The following SLCO3A1 variants were observed in gnomAD, a reference collection of about 807,000 sequenced individuals.
The protein encoded by SLCO3A1 is PGE1 transporter.
Under a neutral mutation model 63.1 loss-of-function variants are expected in SLCO3A1, and 27 were observed. The observed-to-expected ratio is 0.43, with a 90% confidence interval of 0.32 to 0.59. SLCO3A1 has a LOEUF of 0.59. Ranked by LOEUF, SLCO3A1 falls within the 20% of genes least tolerant of loss-of-function variation. The pLI, the probability that SLCO3A1 is intolerant of heterozygous loss-of-function variation, is 0.09. For synonymous variants in SLCO3A1, 473 were observed against 409.9 expected (o/e 1.15, Z -1.86); for missense variants, 773 against 945.8 (o/e 0.82, Z 2.40).
At chr15:92,003,948 G>A (rs1335082178) in intron 2 of SLCO3A1, among the ~76,000 whole-genome samples, 1 of 152,210 alleles carries the variant, frequency 6.6e-6, no homozygotes, top group Non-Finnish European at 1.5e-5. Context: ...CTGCTCAGCA[G>A]CTGTAGCTGT....
At chr15:92,110,560 A>C (rs925317309) in intron 4 of SLCO3A1, among the ~76,000 whole-genome samples, 2 of 151,786 alleles carry the variant, frequency 1.3e-5, no homozygotes, top group Non-Finnish European at 2.9e-5. Flanking sequence ...CGTTCCCTCT[A>C]CTGGAATTCT....
Position 92,164,039 on chromosome 15 carries a change from G to GAAAA in SLCO3A1, c.*908_*911dup. On this transcript the variant is annotated 3_prime_UTR_variant, in exon 10 of 10. Transcript: ENST00000318445. ...CAAAAACATTTTGCCATTTTTAAAA[G>GAAAA]AAAAAAATACAATCCATATGAATTT... 1 of 984,872 alleles carries GAAAA rather than the reference G, an allele frequency of 1.0e-6. No individual in the cohort carries two copies. Among genetic ancestry groups the GAAAA allele is most frequent in the Non-Finnish European group, 1.2e-6 (1 of 829,438 alleles). The allele number at this position is 984,872 out of a possible 1,614,324, so 61.0% of individuals were successfully genotyped here.
chr15:92,011,463 T>TTA (rs2046367831), intron 2 of SLCO3A1, among the ~76,000 whole-genome samples: 1 of 151,904 alleles, frequency 6.6e-6, no homozygotes, highest in Non-Finnish European at 1.5e-5. Flanking sequence ...ATATGTACAA[T>TTA]TATTATATAT....
chr15:91,958,040 A>G (rs1287994699), intron 2 of SLCO3A1, among the ~76,000 whole-genome samples: 2 of 152,194 alleles, frequency 1.3e-5, no homozygotes, highest in African/African-American at 4.8e-5. Context: ...TTCAATAAAT[A>G]TATTGGAAAA....
At chr15:92,010,030 C>G (rs1281222911) in intron 2 of SLCO3A1, among the ~76,000 whole-genome samples, 1 of 152,180 alleles carries the variant, frequency 6.6e-6, no homozygotes, top group East Asian at 1.9e-4. Flanking sequence ...TCACCGCACT[C>G]TTGACAGCCC....
chr15:92,035,161 G>T (rs893809502), intron 2 of SLCO3A1, among the ~76,000 whole-genome samples: 2 of 151,864 alleles, frequency 1.3e-5, no homozygotes, highest in Non-Finnish European at 2.9e-5. Flanking sequence ...GCCATGTACA[G>T]GGTCAGCCTT....
rs1463050194 is a variant in SLCO3A1, at chr15:91,916,283, C to T, written c.471C>T (p.Gly157=). 3 of 1,552,166 alleles carry T rather than the reference C, an allele frequency of 1.9e-6. No individual in the cohort carries two copies. The highest frequency in any genetic ancestry group is 3.9e-5 in the Admixed American group (2 of 51,192). ...RDVCAANGSG[G]DEGPDPDLIC... The stretch of plus-strand genomic sequence containing the variant: ...TCTGCGCAGCCAACGGCTCGGGCGG[C>T]GACGAGGGGCCCGACCCCGACCTCA... The change falls in exon 2 of 10, where the codon GGC becomes GGT. Residue 157 remains glycine, a synonymous_variant. Coordinates refer to ENST00000318445, the MANE Select transcript of SLCO3A1 (RefSeq NM_013272.4). This position sits in a 1 kb window ranked among gnomAD's most constrained non-coding sequence, Gnocchi z 6.2.
At position 91,916,680 on chromosome 15, in the gene SLCO3A1, G is replaced by C. The variant is rs1898673335; in HGVS notation, c.646+222G>C. Among the ~76,000 whole-genome samples the C allele has an allele frequency of 6.6e-6, 1 of 152,212 alleles. No individual in the cohort carries two copies. The highest frequency in any genetic ancestry group is 2.4e-5 in the African/African-American group (1 of 41,460). ...GTGAGCGGCCGAATTTGAGCTCCAC[G>C]GGGCTAGACCACTAACACCGCTTCA... is the stretch of plus-strand genomic sequence containing the variant. On this transcript the variant is annotated intron_variant, in intron 2 of 9. Transcript: ENST00000318445. This position sits in a 1 kb window ranked among gnomAD's most constrained non-coding sequence, Gnocchi z 6.2.
intron 2 of SLCO3A1, among the ~76,000 whole-genome samples, chr15:91,962,261 C>T (rs1293424178): frequency 6.6e-6 from 1 of 152,084 alleles, no homozygotes; most frequent in Admixed American, 6.6e-5. Flanking sequence ...AGATGGATCA[C>T]CTGAGGTCGG....
chr15:92,102,852 G>A (rs1230905918), intron 3 of SLCO3A1, among the ~76,000 whole-genome samples: 1 of 152,200 alleles, frequency 6.6e-6, no homozygotes, highest in Non-Finnish European at 1.5e-5. Flanking sequence ...AAAGGTGAGA[G>A]CGTGGACCTT....
chr15:91,907,290 C>G (rs1412085173), intron 1 of SLCO3A1, among the ~76,000 whole-genome samples: 1 of 151,648 alleles, frequency 6.6e-6, no homozygotes, highest in Admixed American at 6.6e-5. Context: ...CACTGCACCT[C>G]TGCCACTGGG....
chr15:91,934,840 C>T (rs1386961061), intron 2 of SLCO3A1, among the ~76,000 whole-genome samples: 8 of 152,136 alleles, frequency 5.3e-5, no homozygotes, highest in South Asian at 2.1e-4. Context: ...TGTATAATTC[C>T]GTAAGTTACT....
rs1334922694 is a variant in SLCO3A1 at position 92,171,794 on chromosome 15, GAC to G, written c.2013_2014del (p.Ile672Ter). Reference sequence around the variant, plus strand: ...TCCCCCTTTAGGCACAGAGTACCAAGACATTGAGACTGAGAAAACCTGCCCCG... The same window carrying G: ...TCCCCCTTTAGGCACAGAGTACCAAGATTGAGACTGAGAAAACCTGCCCCG... On this transcript the variant is annotated frameshift_variant, in exon 11 of 11. Coordinates refer to the SLCO3A1 transcript ENST00000424469. LOFTEE classifies it high-confidence loss of function. The G allele has an allele frequency of 2.6e-6, 4 of 1,551,140 alleles. No individual in the cohort carries two copies. The highest frequency in any genetic ancestry group is 2.6e-6 in the Non-Finnish European group (3 of 1,146,542).
Position 91,897,143 on chromosome 15 carries a change from T to C in SLCO3A1, c.181-18850T>C, listed in dbSNP as rs1033080054. On this transcript the variant is annotated intron_variant, in intron 1 of 9. Transcript: ENST00000318445. The surrounding 1 kb of genome is among the most constrained non-coding windows in gnomAD (Gnocchi z 4.7). ...TCCTACCACACTATTTGCCATTGTC[T>C]ATACAATTGTTGCTTTTAAAATAAA... 2.2e-4 allele frequency among the ~76,000 whole-genome samples: 33 copies of C among 152,196 alleles called. No homozygotes were observed. The highest frequency in any genetic ancestry group is 4.8e-5 in the African/African-American group (2 of 41,452).
At chr15:92,119,098 A>G (rs1298203464) in intron 4 of SLCO3A1, among the ~76,000 whole-genome samples, 1 of 147,990 alleles carries the variant, frequency 6.8e-6, no homozygotes, top group African/African-American at 2.5e-5. Context: ...TATTGAAATG[A>G]CAGGGTTGTC....
intron 9 of SLCO3A1, among the ~76,000 whole-genome samples, chr15:92,158,395 G>C (rs1482581164): frequency 6.6e-6 from 1 of 152,194 alleles, no homozygotes; most frequent in Non-Finnish European, 1.5e-5. Context: ...ATTGGGTTTG[G>C]AATTTTGAAA....
chr15:91,894,940 A>G lies in SLCO3A1; in HGVS notation c.181-21053A>G, dbSNP rs561494599. 3.9e-5 allele frequency among the ~76,000 whole-genome samples: 6 copies of G among 152,252 alleles called. No individual in the cohort carries two copies. The East Asian group carries it at 1.2e-3, about 29-fold the overall frequency. On this transcript the variant is annotated intron_variant, in intron 1 of 9. Coordinates refer to ENST00000318445, the MANE Select transcript of SLCO3A1 (RefSeq NM_013272.4). The surrounding 1 kb of genome is among the most constrained non-coding windows in gnomAD (Gnocchi z 4.8). ...GTTGAGTCTGTTGTTCCTAATCCAT[A>G]CCTGCATCCTGGACTTGTGGCTGTG...
At chr15:91,920,902 T>C (rs1467593519) in intron 2 of SLCO3A1, among the ~76,000 whole-genome samples, 1 of 152,170 alleles carries the variant, frequency 6.6e-6, no homozygotes, top group African/African-American at 2.4e-5. Flanking sequence ...AGCTAAGACC[T>C]TTGCTCCATG....
rs141320523 is a variant in SLCO3A1, at chr15:92,001,673, A to G, written c.646+85215A>G. ...TAAAACAAACATGTGCTGTTTATCA[A>G]CACAGTAGGGTTTCCATTCTTAGAA... is the stretch of plus-strand genomic sequence containing the variant. On this transcript the variant is annotated intron_variant, in intron 2 of 9. Transcript: ENST00000318445. Among the ~76,000 whole-genome samples the G allele has an allele frequency of 4.5e-4, 69 of 152,328 alleles. No individual in the cohort carries two copies. In the East Asian group the frequency reaches 0.011, roughly 25 times the overall value.
Sources: allele counts gnomAD v4.1 joint callset (sites outside exome capture counted in the v4.1 genomes callset), GRCh38; gene constraint gnomAD v4.1.1; non-coding constraint Gnocchi (gnomAD v3.1); transcripts MANE v1.5; gene names NCBI Gene and HGNC (gene_info 2026-07-23, HGNC 2026-07-21).